Variants in CCN2 observed in about 807,000 individuals in gnomAD.
CCN2 encodes the protein CCN family member 2.
In CCN2, 22 loss-of-function variants were observed where a neutral mutation model predicts 33.2. The ratio of observed to expected loss-of-function variants is 0.66; its 90% CI spans 0.47 to 0.95. The LOEUF is 0.95. Ranked by LOEUF, CCN2 falls within the 40% of genes least tolerant of loss-of-function variation. The pLI is 0.00. For synonymous variants in CCN2, 178 were observed against 200.6 expected (o/e 0.89, Z 0.95); for missense variants, 469 against 498.8 (o/e 0.94, Z 0.57).
In CCN2 at chr6:131,949,379, A is replaced by T; in HGVS notation, c.935T>A (p.Val312Asp). Reference protein sequence around the residue: ...PVEFKCPDGEVMKKNMMFIKT... With the variant: ...PVEFKCPDGEDMKKNMMFIKT... ...GATGAACATCATGTTCTTCTTCATG[A>T]CCTCGCCGTCAGGGCACTTGAACTC... The change falls in exon 5 of 5, where the codon GTC (valine) becomes GAC (aspartate). Residue 312 changes from valine (V) to aspartate (D), a missense_variant. By Grantham distance (152) the Val-to-Asp change is radical (BLOSUM62 -3). Transcript: ENST00000367976. 3.7e-6 allele frequency: 6 copies of T among 1,613,880 alleles called. No individual in the cohort carries two copies. The highest frequency in any genetic ancestry group is 5.1e-6 in the Non-Finnish European group (6 of 1,180,002).
chr6:131,949,663 A>G (rs966197239), intron 4 of CCN2, 103 bp from the exon 5 acceptor site: 1 of 1,134,594 alleles, frequency 8.8e-7, no homozygotes, highest in South Asian at 1.5e-5. Flanking sequence ...CTGTTGTCTG[A>G]CTTCTGTTTA....
intron 4 of CCN2, 49 bp from the exon 5 acceptor site, chr6:131,949,609 C>A: frequency 6.7e-7 from 1 of 1,497,104 alleles, no homozygotes; most frequent in Non-Finnish European, 9.2e-7. Flanking sequence ...ATCAGCGACT[C>A]TACAAGAGGA....
At position 131,949,442 on chromosome 6, in the gene CCN2, C is replaced by T. The variant is rs747768611; in HGVS notation, c.872G>A (p.Arg291Gln). The T allele has an allele frequency of 3.1e-6, 5 of 1,614,180 alleles. No homozygotes were observed. Among genetic ancestry groups the T allele is most frequent in the Admixed American group, 3.3e-5 (2 of 60,026 alleles). Reference sequence around the variant, plus strand: ...GGTGGTTCTGTGGGGGGTGCAGCATCGGCCGTCGGTACATACTCCACAGAA... The same window carrying T: ...GGTGGTTCTGTGGGGGGTGCAGCATTGGCCGTCGGTACATACTCCACAGAA... ...AKFCGVCTDG[R>Q]CCTPHRTTTL... The change falls in exon 5 of 5, where the codon CGA (arginine) becomes CAA (glutamine). Residue 291 changes from arginine (R) to glutamine (Q), a missense_variant. Transcript: ENST00000367976.
At position 131,950,577 on chromosome 6, in the gene CCN2, A is replaced by C; in HGVS notation, c.290-34T>G. Reference sequence around the variant, plus strand: ...GAGGAAGGGAAGAGAGGGGTGGGGGATGCAGAGGTCAGGCATTGGGGCACT... The same window carrying C: ...GAGGAAGGGAAGAGAGGGGTGGGGGCTGCAGAGGTCAGGCATTGGGGCACT... On this transcript the variant is annotated intron_variant, in intron 2 of 4. Transcript: ENST00000367976. The surrounding 1 kb of genome is among the most constrained non-coding windows in gnomAD (Gnocchi z 7.1). The C allele has an allele frequency of 6.2e-7, 1 of 1,604,476 alleles. No homozygotes were observed. Among genetic ancestry groups the C allele is most frequent in the Non-Finnish European group, 8.5e-7 (1 of 1,174,408 alleles).
Position 131,951,216 on chromosome 6 carries a change from G to A in CCN2, c.-44C>T, listed in dbSNP as rs112411026. On this transcript the variant is annotated 5_prime_UTR_variant, in exon 1 of 5. Transcript: ENST00000367976. ...AGCGGAGGGCGCGGTGGCGGCGAGC[G>A]GGGAGCGGCGGGGCCTGGAGCGCTG... The A allele has an allele frequency of 1.8e-3, 2,242 of 1,263,790 alleles. 1 individual carries two copies. The highest frequency in any genetic ancestry group is 2.1e-3 in the Non-Finnish European group (2,127 of 1,005,730). 78.3% of individuals were successfully genotyped at this position (1,263,790 alleles called of 1,614,324 possible).
rs1000734182 is a variant in CCN2, at chr6:131,950,891, G to A, written c.168C>T (p.Cys56=). 8 of 1,528,994 alleles carry A rather than the reference G, an allele frequency of 5.2e-6. No individual in the cohort carries two copies. The highest frequency in any genetic ancestry group is 7.0e-6 in the Non-Finnish European group (8 of 1,144,680). The allele number at this position is 1,528,994 out of a possible 1,614,324, so 94.7% of individuals were successfully genotyped here. A position where few individuals can be genotyped will look rare whatever the true frequency, so the allele number is the denominator to read the frequency against. ...GVSLVLDGCG[C]CRVCAKQLGE... ...CCAGCTGCTTGGCGCAGACGCGGCA[G>A]CAGCCGCAGCCGTCCAGCACGAGGC... The change falls in exon 2 of 5, where the codon TGC becomes TGT. Residue 56 remains cysteine (C), a synonymous_variant. Coordinates refer to ENST00000367976, the MANE Select transcript of CCN2 (RefSeq NM_001901.4). The surrounding 1 kb of genome is among the most constrained non-coding windows in gnomAD (Gnocchi z 7.1).
chr6:131,950,886 C>G lies in CCN2; in HGVS notation c.173G>C (p.Arg58Pro). ...CTCGCCCAGCTGCTTGGCGCAGACGCGGCAGCAGCCGCAGCCGTCCAGCAC... is the reference window on the plus strand; with the variant it reads ...CTCGCCCAGCTGCTTGGCGCAGACGGGGCAGCAGCCGCAGCCGTCCAGCAC... ...SLVLDGCGCC[R>P]VCAKQLGELC... The change falls in exon 2 of 5, where the codon CGC (arginine) becomes CCC (proline). Residue 58 changes from arginine (R) to proline (P), a missense_variant. Transcript: ENST00000367976. This position sits in a 1 kb window ranked among gnomAD's most constrained non-coding sequence, Gnocchi z 7.1. 6.5e-7 allele frequency: 1 copy of G among 1,529,384 alleles called. No individual in the cohort carries two copies. The highest frequency in any genetic ancestry group is 8.7e-7 in the Non-Finnish European group (1 of 1,144,878). The allele number at this position is 1,529,384 out of a possible 1,614,324, so 94.7% of individuals were successfully genotyped here.
Position 131,950,638 on chromosome 6 carries a change from C to G in CCN2, c.290-95G>C, listed in dbSNP as rs1273405072. 7.1e-6 allele frequency: 11 copies of G among 1,552,492 alleles called. No homozygotes were observed. Among genetic ancestry groups the G allele is most frequent in the Non-Finnish European group, 8.7e-6 (10 of 1,143,142 alleles). On this transcript the variant is annotated intron_variant, in intron 2 of 4. Transcript: ENST00000367976. The surrounding 1 kb of genome is among the most constrained non-coding windows in gnomAD (Gnocchi z 7.1). ...GAGCGTCAGGGATGCGAGTTGGGAT[C>G]TGGGCTGCAGGGGGCGGGCTGGCAG...
At position 131,950,909 on chromosome 6, in the gene CCN2, C is replaced by G. The variant is rs775691003; in HGVS notation, c.150G>C (p.Val50=). Residue 50 remains valine, a synonymous_variant, in exon 2 of 5, where the codon GTG becomes GTC. Coordinates refer to ENST00000367976, the MANE Select transcript of CCN2 (RefSeq NM_001901.4). This position sits in a 1 kb window ranked among gnomAD's most constrained non-coding sequence, Gnocchi z 7.1. ...CGCGGCAGCAGCCGCAGCCGTCCAG[C>G]ACGAGGCTCACGCCCGCCGGGCAGC... The part of the protein sequence containing the change: ...APRCPAGVSL[V]LDGCGCCRVC... 45 of 1,501,188 alleles carry G rather than the reference C, an allele frequency of 3.0e-5. 1 individual carries two copies. The South Asian group carries it at 5.1e-4, about 17-fold the overall frequency. 93.0% of individuals were successfully genotyped at this position (1,501,188 alleles called of 1,614,324 possible).
chr6:131,951,142 C>T lies in CCN2; in HGVS notation c.31G>A (p.Val11Ile). The change falls in exon 1 of 5, where the codon GTC (valine) becomes ATC (isoleucine). Residue 11 changes from valine to isoleucine, a missense_variant. Coordinates refer to ENST00000367976, the MANE Select transcript of CCN2 (RefSeq NM_001901.4). ...AGGGCGAGGAGGACCACGAAGGCGA[C>T]GCGGACGGGGCCCATACTGGCGGCG... MTAASMGPVR[V>I]AFVVLLALCS... The T allele has an allele frequency of 7.4e-7, 1 of 1,349,068 alleles. No individual in the cohort carries two copies. The allele number at this position is 1,349,068 out of a possible 1,614,324, so 83.6% of individuals were successfully genotyped here.
Position 131,950,373 on chromosome 6 carries a change from C to T in CCN2, c.460G>A (p.Val154Ile). 1 of 1,614,152 alleles carries T rather than the reference C, an allele frequency of 6.2e-7. No homozygotes were observed. Among genetic ancestry groups the T allele is most frequent in the Non-Finnish European group, 8.5e-7 (1 of 1,180,038 alleles). The change falls in exon 3 of 5, where the codon GTC becomes ATC. Residue 154 changes from valine to isoleucine, a missense_variant. Transcript: ENST00000367976. This position sits in a 1 kb window ranked among gnomAD's most constrained non-coding sequence, Gnocchi z 7.1. The stretch of plus-strand genomic sequence containing the variant: ...TCGCAGCATTTCCCGGGCAGCTTGA[C>T]CCTCCTCGGGAAGGGGCAGTCAGGG... ...PSPDCPFPRR[V>I]KLPGKCCEEW...
intron 4 of CCN2, 71 bp downstream of exon 4, chr6:131,949,878 C>G (rs1783076071): frequency 6.9e-7 from 1 of 1,441,700 alleles, no homozygotes; most frequent in East Asian, 2.3e-5. Flanking sequence ...ACAAGCGTGG[C>G]AAGAGCCCTA....
Position 131,950,980 on chromosome 6 carries a change from G to A in CCN2, c.79C>T (p.Gln27Ter). 7.6e-7 allele frequency: 1 copy of A among 1,322,788 alleles called. No individual in the cohort carries two copies. The highest frequency in any genetic ancestry group is 9.6e-7 in the Non-Finnish European group (1 of 1,046,626). The allele number at this position is 1,322,788 out of a possible 1,614,324, so 81.9% of individuals were successfully genotyped here. ...LALCSRPAVGQNCSGPCRCPD... is the reference protein window; with the variant it reads ...LALCSRPAVG ...CACCGGCACGGCCCGCTGCAGTTCTGGCCGACGGCCGGCTGCAGGGAGGAC... is the reference window on the plus strand; with the variant it reads ...CACCGGCACGGCCCGCTGCAGTTCTAGCCGACGGCCGGCTGCAGGGAGGAC... The change falls in exon 2 of 5, where the codon CAG (glutamine) becomes TAG (stop). Residue 27 changes from glutamine to a stop codon, truncating the protein, a stop_gained. Coordinates refer to ENST00000367976, the MANE Select transcript of CCN2 (RefSeq NM_001901.4). LOFTEE classifies it high-confidence loss of function. This position sits in a 1 kb window ranked among gnomAD's most constrained non-coding sequence, Gnocchi z 7.1.
rs1473829509 is a variant in CCN2, at chr6:131,951,304, C to A, written c.-132G>T. ...GTCGTCTCGGGGCTGTCGGCCGGGG[C>A]GGCTGCCGTCGAGCTGGAGGGTGGA... is the stretch of plus-strand genomic sequence containing the variant. On this transcript the variant is annotated 5_prime_UTR_variant, in exon 1 of 5. Coordinates refer to ENST00000367976, the MANE Select transcript of CCN2 (RefSeq NM_001901.4). 2.6e-5 allele frequency: 19 copies of A among 722,438 alleles called. No homozygotes were observed. Among genetic ancestry groups the A allele is most frequent in the Non-Finnish European group, 3.6e-5 (19 of 529,990 alleles). The allele number at this position is 722,438 out of a possible 1,614,324, so 44.8% of individuals were successfully genotyped here.
rs1783092656 is a variant in CCN2 at position 131,950,710 on chromosome 6, G to A, written c.289+60C>T. The A allele has an allele frequency of 1.1e-5, 16 of 1,477,204 alleles. No individual in the cohort carries two copies. The highest frequency in any genetic ancestry group is 1.4e-5 in the Non-Finnish European group (16 of 1,106,002). 91.5% of individuals were successfully genotyped at this position (1,477,204 alleles called of 1,614,324 possible). On this transcript the variant is annotated intron_variant, in intron 2 of 4. Coordinates refer to ENST00000367976, the MANE Select transcript of CCN2 (RefSeq NM_001901.4). This position sits in a 1 kb window ranked among gnomAD's most constrained non-coding sequence, Gnocchi z 7.1. ...TCCGAGCGGTTTCTTTTTCCAGCGGGCGGGTGGGCGTGAGGGAGGAGGCGG... is the reference window on the plus strand; with the variant it reads ...TCCGAGCGGTTTCTTTTTCCAGCGGACGGGTGGGCGTGAGGGAGGAGGCGG...
chr6:131,951,305 G>T lies in CCN2; in HGVS notation c.-133C>A, dbSNP rs1465183134. 2.7e-6 allele frequency: 2 copies of T among 729,582 alleles called. No homozygotes were observed. Among genetic ancestry groups the T allele is most frequent in the African/African-American group, 1.9e-5 (1 of 53,796 alleles). The allele number at this position is 729,582 out of a possible 1,614,324, so 45.2% of individuals were successfully genotyped here. The stretch of plus-strand genomic sequence containing the variant: ...TCGTCTCGGGGCTGTCGGCCGGGGC[G>T]GCTGCCGTCGAGCTGGAGGGTGGAG... On this transcript the variant is annotated 5_prime_UTR_variant, in exon 1 of 5. Coordinates refer to ENST00000367976, the MANE Select transcript of CCN2 (RefSeq NM_001901.4).
chr6:131,951,073 GC>G, intron 1 of CCN2, 33 bp downstream of exon 1: 1 of 1,290,908 alleles, frequency 7.7e-7, no homozygotes, highest in African/African-American at 1.5e-5. Context: ...CTCCCTGGCA[GC>G]CGCCGGCCGC....
chr6:131,949,652 T>C, intron 4 of CCN2, 92 bp from the exon 5 acceptor site: 8 of 1,211,452 alleles, frequency 6.6e-6, no homozygotes, highest in Non-Finnish European at 9.4e-6. Flanking sequence ...GTTTTAGTCT[T>C]CTGTTGTCTG....
rs1473829509 is a variant in CCN2, at chr6:131,951,304, C to T, written c.-132G>A. 6.9e-6 allele frequency: 5 copies of T among 722,544 alleles called. No individual in the cohort carries two copies. Among genetic ancestry groups the T allele is most frequent in the East Asian group, 3.8e-5 (1 of 26,584 alleles). 44.8% of individuals were successfully genotyped at this position (722,544 alleles called of 1,614,324 possible). A position where few individuals can be genotyped will look rare whatever the true frequency, so the allele number is the denominator to read the frequency against. The stretch of plus-strand genomic sequence containing the variant: ...GTCGTCTCGGGGCTGTCGGCCGGGG[C>T]GGCTGCCGTCGAGCTGGAGGGTGGA... On this transcript the variant is annotated 5_prime_UTR_variant, in exon 1 of 5. Transcript: ENST00000367976.
Sources: gnomAD v4.1 joint callset for allele counts on GRCh38, gnomAD v4.1.1 for gene constraint, Gnocchi (gnomAD v3.1) non-coding constraint, MANE v1.5 for transcripts, NCBI Gene and HGNC (gene_info 2026-07-23, HGNC 2026-07-21) for gene names.